The following GRID2 variants were observed in gnomAD, a reference collection of about 807,000 sequenced individuals.
The protein encoded by GRID2 is glutamate ionotropic receptor delta type subunit 2, also known as glutamate receptor ionotropic, delta-2.
Under a neutral mutation model 114.8 loss-of-function variants are expected in GRID2, and 33 were observed. The ratio of observed to expected loss-of-function variants is 0.29; its 90% CI spans 0.22 to 0.38. The LOEUF is 0.38. Ranked by LOEUF, GRID2 falls within the 10% of genes least tolerant of loss-of-function variation. The pLI is 1.00. For synonymous variants in GRID2, 505 were observed against 449.9 expected (o/e 1.12, Z -1.55); for missense variants, 1,184 against 1,257.7 (o/e 0.94, Z 0.89).
At chr4:93,475,782 T>C (rs1273868652) in intron 11 of GRID2, among the ~76,000 whole-genome samples, 1 of 152,164 alleles carries the variant, frequency 6.6e-6, no homozygotes, top group African/African-American at 2.4e-5. Flanking sequence ...GAACTACTGA[T>C]TGATTGAATC....
downstream of GRID2, among the ~76,000 whole-genome samples, chr4:93,775,681 C>G (rs1191803739): frequency 1.3e-5 from 2 of 152,178 alleles, no homozygotes; most frequent in Non-Finnish European, 1.5e-5. Context: ...TTATTCTATT[C>G]AAATGTCCAA....
intron 2 of GRID2, among the ~76,000 whole-genome samples, chr4:92,604,266 T>G (rs554433579): frequency 6.6e-6 from 1 of 152,226 alleles, no homozygotes; most frequent in South Asian, 2.1e-4. Context: ...GTATTCACAA[T>G]AGCAAAGACA....
intron 8 of GRID2, among the ~76,000 whole-genome samples, chr4:93,330,885 G>T (rs1308773726): frequency 1.3e-5 from 2 of 152,082 alleles, no homozygotes; most frequent in African/African-American, 4.8e-5. Flanking sequence ...GGTAGTGATA[G>T]ATTACAGAAC....
At chr4:92,724,994 G>A (rs555230729) in intron 2 of GRID2, among the ~76,000 whole-genome samples, 29 of 152,118 alleles carry the variant, frequency 1.9e-4, no homozygotes, top group East Asian at 5.8e-4. Flanking sequence ...TATTACCACC[G>A]TTTATTAAGA....
At chr4:92,998,565 T>A (rs550645792) in intron 2 of GRID2, among the ~76,000 whole-genome samples, 1 of 152,108 alleles carries the variant, frequency 6.6e-6, no homozygotes, top group African/African-American at 2.4e-5. Flanking sequence ...AGGAAATTGA[T>A]TTTCTTTGGC....
intron 4 of GRID2, among the ~76,000 whole-genome samples, chr4:93,118,078 A>T (rs1160480690): frequency 6.6e-6 from 1 of 152,150 alleles, no homozygotes; most frequent in Non-Finnish European, 1.5e-5. Flanking sequence ...CAAGACTTCT[A>T]TGACTCTGCA....
intron 1 of GRID2, among the ~76,000 whole-genome samples, chr4:92,411,895 CG>C (rs1269931184): frequency 6.6e-6 from 1 of 151,390 alleles, no homozygotes; most frequent in Non-Finnish European, 1.5e-5. Flanking sequence ...TTAGTAGATA[CG>C]GGGTTTCACT....
At chr4:92,504,608 A>G (rs1473792434) in intron 1 of GRID2, among the ~76,000 whole-genome samples, 2 of 152,028 alleles carry the variant, frequency 1.3e-5, no homozygotes, top group African/African-American at 4.8e-5. Context: ...GATAATTTTT[A>G]TCACTAATAA....
chr4:93,624,126 C>T (rs563736066), intron 13 of GRID2, among the ~76,000 whole-genome samples: 1 of 152,108 alleles, frequency 6.6e-6, no homozygotes, highest in Admixed American at 6.5e-5. Flanking sequence ...GATATTTTTA[C>T]TCAAACTATC....
At chr4:92,427,020 A>T (rs545611949) in intron 1 of GRID2, among the ~76,000 whole-genome samples, 14 of 152,232 alleles carry the variant, frequency 9.2e-5, no homozygotes, top group African/African-American at 2.9e-4. Context: ...TTTCCCTTCA[A>T]TCTCACCTAC....
intron 8 of GRID2, among the ~76,000 whole-genome samples, chr4:93,358,125 T>C (rs977799412): frequency 9.2e-5 from 14 of 151,992 alleles, no homozygotes; most frequent in South Asian, 4.1e-4. Context: ...ATCTTCAAAG[T>C]ATTTCTTCTT....
intron 2 of GRID2, among the ~76,000 whole-genome samples, chr4:92,754,423 A>G (rs1448306360): frequency 6.6e-6 from 1 of 152,174 alleles, no homozygotes; most frequent in African/African-American, 2.4e-5. Context: ...AGAGAGTGTG[A>G]GGAGCCTATA....
intron 2 of GRID2, among the ~76,000 whole-genome samples, chr4:92,634,241 A>G (rs62309164): frequency 0.056 from 8,493 of 152,258 alleles, 307 homozygotes; most frequent in East Asian, 0.16. Context: ...ATAAAAGGAC[A>G]TAGGAGTCTT....
chr4:93,260,984 A>G (rs527925319), intron 8 of GRID2, among the ~76,000 whole-genome samples: 2 of 151,940 alleles, frequency 1.3e-5, no homozygotes, highest in South Asian at 2.1e-4. Flanking sequence ...GGCCTATGGC[A>G]TTCATTCTTG....
At chr4:93,256,997 T>A (rs775940411) in intron 8 of GRID2, among the ~76,000 whole-genome samples, 2 of 151,894 alleles carry the variant, frequency 1.3e-5, no homozygotes, top group Non-Finnish European at 2.9e-5. Context: ...TTTAATATTA[T>A]TTGCTTATTT....
intron 13 of GRID2, among the ~76,000 whole-genome samples, chr4:93,528,079 A>C (rs769905234): frequency 1.3e-5 from 2 of 151,894 alleles, no homozygotes; most frequent in Non-Finnish European, 2.9e-5. Context: ...TGTTGTGTAT[A>C]TGTGTATGTG....
At chr4:92,520,063 A>G (rs1724689298) in intron 1 of GRID2, among the ~76,000 whole-genome samples, 1 of 151,858 alleles carries the variant, frequency 6.6e-6, no homozygotes, top group Non-Finnish European at 1.5e-5. Context: ...AACCTTTACA[A>G]GTCCACCCTT....
chr4:93,414,283 T>C (rs1025036708), intron 9 of GRID2, among the ~76,000 whole-genome samples: 1 of 152,192 alleles, frequency 6.6e-6, no homozygotes, highest in African/African-American at 2.4e-5. Context: ...TTGTCAATAG[T>C]AACTGTCAAC....
chr4:92,714,635 C>T (rs1052667542), intron 2 of GRID2, among the ~76,000 whole-genome samples: 5 of 152,206 alleles, frequency 3.3e-5, no homozygotes, highest in East Asian at 1.9e-4. Context: ...GGTTCCCAAA[C>T]CTCAGTTCTT....
Sources: allele counts gnomAD v4.1 joint callset (sites outside exome capture counted in the v4.1 genomes callset), GRCh38; gene constraint gnomAD v4.1.1; transcripts MANE v1.5; gene names NCBI Gene and HGNC (gene_info 2026-07-23, HGNC 2026-07-21).